RAB11FIP4: variants seen among roughly 807,000 people sequenced by gnomAD.
RAB11FIP4 encodes rab11 family-interacting protein 4.
In RAB11FIP4, 23 loss-of-function variants were observed where a neutral mutation model predicts 74.3. That is an observed-to-expected ratio of 0.31 (90% confidence interval 0.22 to 0.44). RAB11FIP4 has a LOEUF of 0.44. Ranked by LOEUF, RAB11FIP4 falls within the 20% of genes least tolerant of loss-of-function variation. RAB11FIP4 has a pLI of 1.00. For missense variants in RAB11FIP4, 630 were observed against 863.9 expected (o/e 0.73, Z 3.39); for synonymous variants, 360 against 359.9 (o/e 1.00, Z 0.00).
At chr17:31,392,189 C>G (rs945930537) in intron 1 of RAB11FIP4, 178 bp downstream of exon 1, 1 of 438,630 alleles carries the variant, frequency 2.3e-6, no homozygotes, top group Non-Finnish European at 3.7e-6. Context: ...CCCAGCCGGG[C>G]CCTCGCTTTC....
chr17:31,474,062 C>T (rs559581834), intron 3 of RAB11FIP4, among the ~76,000 whole-genome samples: 20 of 152,238 alleles, frequency 1.3e-4, no homozygotes, highest in African/African-American at 3.6e-4. Flanking sequence ...CCAGATGCCC[C>T]GGGGATCAGC....
chr17:31,472,279 C>T (rs1312264265), intron 3 of RAB11FIP4, among the ~76,000 whole-genome samples: 5 of 152,174 alleles, frequency 3.3e-5, no homozygotes, highest in Admixed American at 6.5e-5. Context: ...TGTGCAGTGC[C>T]GCGTGATGAG....
Position 31,536,920 on chromosome 17 carries a change from T to G in RAB11FIP4, c.*5188T>G. The G allele has an allele frequency of 5.0e-6, 2 of 398,872 alleles. No homozygotes were observed. The highest frequency in any genetic ancestry group is 8.8e-6 in the Non-Finnish European group (2 of 226,074). 24.7% of individuals were successfully genotyped at this position (398,872 alleles called of 1,614,324 possible). A position where few individuals can be genotyped will look rare whatever the true frequency, so the allele number is the denominator to read the frequency against. On this transcript the variant is annotated 3_prime_UTR_variant, in exon 15 of 15. Coordinates refer to ENST00000621161, the MANE Select transcript of RAB11FIP4 (RefSeq NM_032932.6). ...ACCAGGCGAGGTTTCCCATATGACC[T>G]CCCTGCCCCGACCTCGTAGGTTGCT... is the stretch of plus-strand genomic sequence containing the variant.
At chr17:31,399,126 C>G (rs2070960271) in intron 1 of RAB11FIP4, among the ~76,000 whole-genome samples, 1 of 151,984 alleles carries the variant, frequency 6.6e-6, no homozygotes, top group Non-Finnish European at 1.5e-5. Flanking sequence ...GTTGCAGCAC[C>G]CCTTTGGCCC....
intron 3 of RAB11FIP4, chr17:31,509,321 C>T (rs1013371070): frequency 1.3e-5 from 2 of 152,260 alleles, no homozygotes; most frequent in African/African-American, 4.8e-5. Context: ...CCCCAGTTGT[C>T]CCGGTTGCCC....
intron 1 of RAB11FIP4, among the ~76,000 whole-genome samples, chr17:31,407,012 T>TGAC (rs1279637268): frequency 6.6e-6 from 1 of 151,226 alleles, no homozygotes; most frequent in African/African-American, 2.4e-5. Flanking sequence ...TTTAGTGTTT[T>TGAC]GACACATTTG....
At chr17:31,427,358 G>A (rs761237102) in intron 1 of RAB11FIP4, among the ~76,000 whole-genome samples, 9 of 152,200 alleles carry the variant, frequency 5.9e-5, no homozygotes, top group African/African-American at 1.2e-4. Context: ...GTGTGCCCCC[G>A]GTTGCAGCTT....
intron 3 of RAB11FIP4, among the ~76,000 whole-genome samples, chr17:31,493,937 G>A (rs756538240): frequency 1.1e-4 from 16 of 152,282 alleles, no homozygotes; most frequent in Middle Eastern, 6.8e-3. Flanking sequence ...GTGTGTTTGC[G>A]TGTCAGGCAG....
At chr17:31,407,477 G>A (rs1307796473) in intron 1 of RAB11FIP4, among the ~76,000 whole-genome samples, 1 of 152,126 alleles carries the variant, frequency 6.6e-6, no homozygotes, top group African/African-American at 2.4e-5. Context: ...ATAAATACTT[G>A]ACAGTTTCCT....
At chr17:31,503,699 G>C (rs979295599) in intron 3 of RAB11FIP4, among the ~76,000 whole-genome samples, 3 of 149,816 alleles carry the variant, frequency 2.0e-5, no homozygotes. Flanking sequence ...CTGATCATTT[G>C]AAACCAAGAC....
At chr17:31,467,766 A>G (rs1305921596) in intron 3 of RAB11FIP4, among the ~76,000 whole-genome samples, 2 of 152,142 alleles carry the variant, frequency 1.3e-5, no homozygotes, top group Non-Finnish European at 2.9e-5. Flanking sequence ...TGCCCAAGGG[A>G]GGGCAGCTCC....
chr17:31,486,006 C>T (rs1476189372), intron 3 of RAB11FIP4, among the ~76,000 whole-genome samples: 1 of 151,802 alleles, frequency 6.6e-6, no homozygotes, highest in Non-Finnish European at 1.5e-5. Flanking sequence ...GAGGCCAAGG[C>T]GGGCAGATCA....
chr17:31,487,693 C>T (rs1175825276), intron 3 of RAB11FIP4, among the ~76,000 whole-genome samples: 1 of 152,026 alleles, frequency 6.6e-6, no homozygotes, highest in African/African-American at 2.4e-5. Context: ...TCTCACAGTG[C>T]GGTGACAAAA....
At chr17:31,498,288 C>A (rs1269010131) in intron 3 of RAB11FIP4, among the ~76,000 whole-genome samples, 1 of 152,196 alleles carries the variant, frequency 6.6e-6, no homozygotes, top group African/African-American at 2.4e-5. Context: ...GCTTGAGTGA[C>A]ACCCCCCAAC....
At chr17:31,505,515 A>ATTATATATTATATATAATT (rs2072312211) in intron 3 of RAB11FIP4, among the ~76,000 whole-genome samples, 1 of 74,220 alleles carries the variant, frequency 1.3e-5, no homozygotes, top group African/African-American at 5.6e-5. Context: ...TATATATAAT[A>ATTATATATTATATATAATT]ATTATATATT....
chr17:31,517,603 C>T, intron 3 of RAB11FIP4, 48 bp from the exon 4 acceptor site: 1 of 1,527,486 alleles, frequency 6.5e-7, no homozygotes, highest in Non-Finnish European at 8.9e-7. Flanking sequence ...AACACTGAGC[C>T]CTGGGAAGCT....
rs1597964679 is a variant in RAB11FIP4, at chr17:31,505,574, A to T, written c.337-12077A>T. ...TATAATAATAATTATAATATATAAT[A>T]ATATATAATAATAATTATATATTAT... On this transcript the variant is annotated intron_variant, in intron 3 of 14. Transcript: ENST00000621161. Among the ~76,000 whole-genome samples the T allele has an allele frequency of 1.3e-4, 11 of 85,072 alleles. No homozygotes were observed. In the South Asian group the frequency reaches 2.9e-3, roughly 22 times the overall value. The allele number at this position is 85,072 out of a possible 152,430, so 55.8% of individuals were successfully genotyped here.
At chr17:31,424,400 C>T (rs2071227103) in intron 1 of RAB11FIP4, among the ~76,000 whole-genome samples, 2 of 152,090 alleles carry the variant, frequency 1.3e-5, no homozygotes, top group African/African-American at 4.8e-5. Flanking sequence ...TGCTAGCTGG[C>T]CACCTCTGCT....
At chr17:31,457,084 G>C (rs769131899) in intron 3 of RAB11FIP4, among the ~76,000 whole-genome samples, 3 of 152,222 alleles carry the variant, frequency 2.0e-5, no homozygotes, top group Non-Finnish European at 4.4e-5. Context: ...TGTAAGGAGG[G>C]ATAGTGAGTT....
Sources: gnomAD v4.1 joint callset for allele counts (sites outside exome capture counted in the v4.1 genomes callset) on GRCh38, gnomAD v4.1.1 for gene constraint, MANE v1.5 for transcripts, NCBI Gene and HGNC (gene_info 2026-07-23, HGNC 2026-07-21) for gene names.